The following POLH variants were observed in gnomAD, a reference collection of about 807,000 sequenced individuals.
POLH encodes DNA polymerase eta.
In POLH, 53 loss-of-function variants were observed where a neutral mutation model predicts 73.6. The observed-to-expected ratio is 0.72, with a 90% CI of 0.58 to 0.91. POLH has a LOEUF of 0.91. Among genes scored for constraint, POLH ranks in the 40% least tolerant of loss-of-function variants. POLH has a pLI of 0.00. For synonymous variants in POLH, 292 were observed against 308.5 expected (o/e 0.95, Z 0.56); for missense variants, 768 against 865.4 (o/e 0.89, Z 1.41).
rs1561915770 is a variant in POLH, at chr6:43,614,424, AC to A, written c.2014del (p.Gln672ArgfsTer40). 1 of 1,613,844 alleles carries A rather than the reference AC, an allele frequency of 6.2e-7. No individual in the cohort carries two copies. Among genetic ancestry groups the A allele is most frequent in the Admixed American group, 1.7e-5 (1 of 59,980 alleles). ...QKSFLQPHSS[N>X]PQVVSAVSHQ... ...TCCTTTTTGCAGCCCCACTCTTCAA[AC>A]CCCCAGGTTGTTTCTGCCGTATCTC... On this transcript the variant is annotated frameshift_variant, in exon 11 of 11. Coordinates refer to ENST00000372236, the MANE Select transcript of POLH (RefSeq NM_006502.3). LOFTEE classifies it high-confidence loss of function.
At chr6:43,579,920 TA>T (rs1425345776) in intron 1 of POLH, among the ~76,000 whole-genome samples, 8 of 151,582 alleles carry the variant, frequency 5.3e-5, no homozygotes, top group Admixed American at 2.6e-4. Context: ...TTTTTAAATT[TA>T]TTTTTTTATT....
At chr6:43,580,859 C>A (rs1179834440) in intron 1 of POLH, among the ~76,000 whole-genome samples, 1 of 148,692 alleles carries the variant, frequency 6.7e-6, no homozygotes. Context: ...GCGCCCCTCA[C>A]CTCCCAGACG....
intron 9 of POLH, among the ~76,000 whole-genome samples, chr6:43,608,182 G>T (rs187976334): frequency 1.2e-4 from 19 of 152,222 alleles, no homozygotes; most frequent in Non-Finnish European, 2.5e-4. Context: ...AAATTGGGTT[G>T]TCTCTTTATT....
intron 9 of POLH, among the ~76,000 whole-genome samples, chr6:43,609,544 G>A (rs1441278594): frequency 6.6e-6 from 1 of 152,132 alleles, no homozygotes. Context: ...TCAGTTTGCT[G>A]AGATTACAGC....
chr6:43,584,906 T>C (rs1182455743), intron 3 of POLH, among the ~76,000 whole-genome samples: 2 of 152,174 alleles, frequency 1.3e-5, no homozygotes, highest in African/African-American at 4.8e-5. Flanking sequence ...TTTGGGAGGC[T>C]GAGACAGGAG....
At chr6:43,581,583 C>T (rs1420244757) in intron 1 of POLH, among the ~76,000 whole-genome samples, 3 of 150,330 alleles carry the variant, frequency 2.0e-5, no homozygotes, top group Admixed American at 1.3e-4. Context: ...CCGTCCGCTC[C>T]TCCAGCCGCT....
intron 3 of POLH, 133 bp from the exon 4 acceptor site, chr6:43,587,139 G>A: frequency 1.3e-6 from 1 of 771,404 alleles, no homozygotes; most frequent in Non-Finnish European, 2.4e-6. Context: ...AGTTACTATT[G>A]TCTAGTCTCT....
At chr6:43,597,317 G>A (rs112487718) in intron 4 of POLH, among the ~76,000 whole-genome samples, 1 of 152,282 alleles carries the variant, frequency 6.6e-6, no homozygotes, top group African/African-American at 2.4e-5. Flanking sequence ...GTTTTGCCAT[G>A]TTGGACAGGC....
Position 43,582,407 on chromosome 6 carries a change from A to G in POLH, c.88A>G (p.Arg30Gly), listed in dbSNP as rs760230871. The G allele has an allele frequency of 6.2e-7, 1 of 1,614,044 alleles. No individual in the cohort carries two copies. Among genetic ancestry groups the G allele is most frequent in the East Asian group, 2.2e-5 (1 of 44,884 alleles). The change falls in exon 2 of 11, where the codon AGG becomes GGG. Residue 30 changes from arginine to glycine, a missense_variant. Transcript: ENST00000372236. Reference protein sequence around the residue: ...QVEQRQNPHLRNKPCAVVQYK... With the variant: ...QVEQRQNPHLGNKPCAVVQYK... Reference sequence around the variant, plus strand: ...GGAGCAGCGGCAAAATCCTCATTTGAGGAATAAACCTTGTGCAGTTGTACA... The same window carrying G: ...GGAGCAGCGGCAAAATCCTCATTTGGGGAATAAACCTTGTGCAGTTGTACA...
At chr6:43,584,341 C>T (rs1042255168) in intron 3 of POLH, among the ~76,000 whole-genome samples, 2 of 152,112 alleles carry the variant, frequency 1.3e-5, no homozygotes, top group African/African-American at 4.8e-5. Context: ...GAGTGGCATA[C>T]AGACCCACAT....
chr6:43,591,527 C>T (rs951709214), intron 4 of POLH, among the ~76,000 whole-genome samples: 2 of 151,906 alleles, frequency 1.3e-5, no homozygotes, highest in Non-Finnish European at 2.9e-5. Context: ...CCATGTTGGT[C>T]AGGCTGGTCT....
rs566505638 is a variant in POLH at position 43,616,398 on chromosome 6, A to G, written c.*1841A>G. Among the ~76,000 whole-genome samples the G allele has an allele frequency of 7.3e-5, 11 of 151,294 alleles. No homozygotes were observed. In the East Asian group the frequency reaches 2.2e-3, roughly 30 times the overall value. ...TGCAGGAGCTCAGGAGTTCGAGACC[A>G]GCCTGGGCAAGGTGGCAAAACCCCG... On this transcript the variant is annotated 3_prime_UTR_variant, in exon 11 of 11. Transcript: ENST00000372236.
Position 43,619,267 on chromosome 6 carries a change from G to A in POLH, c.*4710G>A, listed in dbSNP as rs1033089087. ...TAGTCGTACCTACTCAGGAGGCTGAGGTTGGGAGGATCACCTGAATCTGGG... is the reference window on the plus strand; with the variant it reads ...TAGTCGTACCTACTCAGGAGGCTGAAGTTGGGAGGATCACCTGAATCTGGG... On this transcript the variant is annotated 3_prime_UTR_variant, in exon 11 of 11. Transcript: ENST00000372236. Among the ~76,000 whole-genome samples, 1 of 150,024 alleles carries A rather than the reference G, an allele frequency of 6.7e-6. No individual in the cohort carries two copies. Among genetic ancestry groups the A allele is most frequent in the Non-Finnish European group, 1.5e-5 (1 of 67,750 alleles).
chr6:43,585,667 C>T (rs1418073745), intron 3 of POLH, among the ~76,000 whole-genome samples: 7 of 126,854 alleles, frequency 5.5e-5, no homozygotes, highest in African/African-American at 1.1e-4. Context: ...GGGTGGGGGA[C>T]GGAGTTTCAC....
Position 43,600,979 on chromosome 6 carries a change from T to C in POLH, c.661-9T>C. 1.2e-6 allele frequency: 2 copies of C among 1,602,274 alleles called. No homozygotes were observed. The highest frequency in any genetic ancestry group is 1.7e-6 in the Non-Finnish European group (2 of 1,169,194). On this transcript the variant is annotated splice_polypyrimidine_tract_variant and intron_variant, in intron 5 of 10. Coordinates refer to ENST00000372236, the MANE Select transcript of POLH (RefSeq NM_006502.3). ...AGTAATGAGGTTTTTATACTTTGCA[T>C]GCTTCCAGGTCCTGGCAAAACTGGC...
At chr6:43,613,554 CTG>C in intron 10 of POLH, 104 bp from the exon 11 acceptor site, 1 of 947,754 alleles carries the variant, frequency 1.1e-6, no homozygotes, top group Non-Finnish European at 1.6e-6. Flanking sequence ...TGGATTAAAT[CTG>C]TCCTATGGTG....
At chr6:43,601,119 TCAC>T (rs1561908094) in intron 6 of POLH, 28 bp downstream of exon 6, 1 of 1,447,818 alleles carries the variant, frequency 6.9e-7, no homozygotes, top group East Asian at 2.3e-5. Flanking sequence ...ATGTTAAATT[TCAC>T]TTCTATCCAT....
chr6:43,577,518 G>A (rs932679625), intron 1 of POLH, among the ~76,000 whole-genome samples: 3 of 152,050 alleles, frequency 2.0e-5, no homozygotes, highest in African/African-American at 4.8e-5. Context: ...TTTAGGCGTG[G>A]TCGATTGGAA....
At chr6:43,597,177 G>A (rs1011251076) in intron 4 of POLH, among the ~76,000 whole-genome samples, 1 of 151,946 alleles carries the variant, frequency 6.6e-6, no homozygotes, top group Admixed American at 6.6e-5. Flanking sequence ...GTGCAGTGGC[G>A]CAATCTCGGC....
Sources: allele counts gnomAD v4.1 joint callset (sites outside exome capture counted in the v4.1 genomes callset), GRCh38; gene constraint gnomAD v4.1.1; transcripts MANE v1.5; gene names NCBI Gene and HGNC (gene_info 2026-07-23, HGNC 2026-07-21).